Variants in LHFPL6 observed in about 807,000 individuals in gnomAD.
LHFPL6 encodes the protein LHFPL tetraspan subfamily member 6.
Under a neutral mutation model 20.6 loss-of-function variants are expected in LHFPL6, and 9 were observed. The ratio of observed to expected loss-of-function variants is 0.44; its 90% CI spans 0.26 to 0.76. LHFPL6 has a LOEUF of 0.76. LHFPL6 is among the 30% of genes least tolerant of loss of function. The pLI, the probability that LHFPL6 is intolerant of heterozygous loss-of-function variation, is 0.20. For synonymous variants in LHFPL6, 105 were observed against 98.7 expected (o/e 1.06, Z -0.38); for missense variants, 218 against 253.5 (o/e 0.86, Z 0.95).
intron 2 of LHFPL6, among the ~76,000 whole-genome samples, chr13:39,573,239 C>A (rs1199201190): frequency 1.3e-5 from 2 of 152,070 alleles, no homozygotes; most frequent in African/African-American, 4.8e-5. Context: ...CCTAAATACT[C>A]CTATTTCTAC....
intron 2 of LHFPL6, among the ~76,000 whole-genome samples, chr13:39,593,184 C>A (rs1021912884): frequency 6.6e-6 from 1 of 152,166 alleles, no homozygotes; most frequent in Admixed American, 6.5e-5. Flanking sequence ...GTCAAATTGT[C>A]CCTGTTTGCA....
At chr13:39,560,804 C>T (rs890807145) in intron 2 of LHFPL6, among the ~76,000 whole-genome samples, 2 of 152,106 alleles carry the variant, frequency 1.3e-5, no homozygotes, top group East Asian at 1.9e-4. Flanking sequence ...CGTGAGCCAC[C>T]GCGCCCTGCT....
intron 2 of LHFPL6, among the ~76,000 whole-genome samples, chr13:39,562,521 C>T (rs1181236394): frequency 1.5e-5 from 2 of 131,292 alleles, no homozygotes; most frequent in South Asian, 2.3e-4. Flanking sequence ...TACATATATA[C>T]ACATATACAC....
chr13:39,591,901 G>C (rs1317068895), intron 2 of LHFPL6, among the ~76,000 whole-genome samples: 1 of 152,104 alleles, frequency 6.6e-6, no homozygotes, highest in Non-Finnish European at 1.5e-5. Flanking sequence ...TTCAAGACCA[G>C]CCTGGCCAAC....
At chr13:39,348,734 CG>C (rs1419723812) in intron 3 of LHFPL6, among the ~76,000 whole-genome samples, 1 of 152,146 alleles carries the variant, frequency 6.6e-6, no homozygotes. Context: ...CCACCCCACC[CG>C]CCTACCCAAG....
At chr13:39,602,093 A>C (rs2138559030) in intron 1 of LHFPL6, among the ~76,000 whole-genome samples, 1 of 152,244 alleles carries the variant, frequency 6.6e-6, no homozygotes, top group East Asian at 1.9e-4. Flanking sequence ...CATTTCTCCC[A>C]CTGAATGATT....
chr13:39,573,626 C>A (rs1022095133), intron 2 of LHFPL6, among the ~76,000 whole-genome samples: 1 of 152,088 alleles, frequency 6.6e-6, no homozygotes, highest in African/African-American at 2.4e-5. Flanking sequence ...TTCGGTTTAA[C>A]ATCACAAGTT....
At chr13:39,401,744 T>A (rs2138379584) in intron 2 of LHFPL6, among the ~76,000 whole-genome samples, 1 of 152,302 alleles carries the variant, frequency 6.6e-6, no homozygotes, top group Admixed American at 6.5e-5. Flanking sequence ...CTGTGAACAA[T>A]TAACCAAAAT....
At chr13:39,358,991 T>C (rs1869803820) in intron 3 of LHFPL6, among the ~76,000 whole-genome samples, 1 of 152,050 alleles carries the variant, frequency 6.6e-6, no homozygotes, top group Non-Finnish European at 1.5e-5. Context: ...GCCAACATGG[T>C]GAAACCCCAT....
At chr13:39,433,727 GC>G (rs1159212621) in intron 2 of LHFPL6, among the ~76,000 whole-genome samples, 1 of 152,182 alleles carries the variant, frequency 6.6e-6, no homozygotes, top group African/African-American at 2.4e-5. Flanking sequence ...GAAATTTGAA[GC>G]CCTTGATTGC....
At chr13:39,531,275 T>C (rs1392169347) in intron 2 of LHFPL6, among the ~76,000 whole-genome samples, 3 of 152,164 alleles carry the variant, frequency 2.0e-5, no homozygotes, top group Non-Finnish European at 4.4e-5. Flanking sequence ...TTGCATGTCA[T>C]TGTAACAGAA....
chr13:39,591,346 G>A (rs1381052203), intron 2 of LHFPL6, among the ~76,000 whole-genome samples: 2 of 152,062 alleles, frequency 1.3e-5, no homozygotes, highest in African/African-American at 4.8e-5. Flanking sequence ...ATCAAAATAT[G>A]GTCCTCATCT....
rs146575323 is a variant in LHFPL6, at chr13:39,562,695, C to CAT, written c.385+38135_385+38136dup. 1.5e-4 allele frequency among the ~76,000 whole-genome samples: 22 copies of CAT among 146,460 alleles called. 1 individual carries two copies. The highest frequency in any genetic ancestry group is 1.2e-3 in the East Asian group (6 of 5,026). On this transcript the variant is annotated intron_variant, in intron 2 of 3. Coordinates refer to ENST00000379589, the MANE Select transcript of LHFPL6 (RefSeq NM_005780.3). ...ACACATATATACACACACACACACACATATATATATATACACACACACACT... is the reference window on the plus strand; with the variant it reads ...ACACATATATACACACACACACACACATATATATATATATACACACACACACT...
intron 3 of LHFPL6, among the ~76,000 whole-genome samples, chr13:39,373,786 T>A (rs1302305664): frequency 6.6e-6 from 1 of 152,076 alleles, no homozygotes; most frequent in Non-Finnish European, 1.5e-5. Flanking sequence ...ATGTTCAACA[T>A]CACTAATTAT....
intron 2 of LHFPL6, among the ~76,000 whole-genome samples, chr13:39,511,675 A>G (rs1310355526): frequency 6.6e-6 from 1 of 152,202 alleles, no homozygotes; most frequent in Non-Finnish European, 1.5e-5. Flanking sequence ...ACCCCAGGCC[A>G]CTAATTTTCT....
rs73467353 is a variant in LHFPL6, at chr13:39,348,031, T to C, written c.485-3977A>G. On this transcript the variant is annotated intron_variant, in intron 3 of 3. Coordinates refer to ENST00000379589, the MANE Select transcript of LHFPL6 (RefSeq NM_005780.3). ...CAGTGTATGTGACAGTAGACACATT[T>C]ATTAAACAAAGATGGAAAAAGAAGC... Among the ~76,000 whole-genome samples the C allele has an allele frequency of 3.2e-3, 484 of 152,360 alleles. 4 individuals carry two copies. Among genetic ancestry groups the C allele is most frequent in the African/African-American group, 0.011 (467 of 41,586 alleles).
chr13:39,523,718 T>C (rs1192880233), intron 2 of LHFPL6, among the ~76,000 whole-genome samples: 1 of 152,152 alleles, frequency 6.6e-6, no homozygotes, highest in East Asian at 1.9e-4. Flanking sequence ...ATTTTATCAT[T>C]GCCTACCACC....
At position 39,402,687 on chromosome 13, in the gene LHFPL6, C is replaced by A. The variant is rs906648848; in HGVS notation, c.386-24161G>T. On this transcript the variant is annotated intron_variant, in intron 2 of 3. Transcript: ENST00000379589. ...ACAGAAAATGCAGACTCATGAAAAG[C>A]AACCCTAAAAATGATCTGCTATGAA... 3.9e-5 allele frequency among the ~76,000 whole-genome samples: 6 copies of A among 152,160 alleles called. 1 individual carries two copies. The South Asian group carries it at 1.2e-3, about 32-fold the overall frequency.
At chr13:39,356,375 G>A (rs146953773) in intron 3 of LHFPL6, among the ~76,000 whole-genome samples, 28 of 152,282 alleles carry the variant, frequency 1.8e-4, no homozygotes, top group Non-Finnish European at 3.4e-4. Flanking sequence ...CAAAAGAAGT[G>A]TTGAGAGGAC....
Sources: gnomAD v4.1 joint callset for allele counts (sites outside exome capture counted in the v4.1 genomes callset) on GRCh38, gnomAD v4.1.1 for gene constraint, MANE v1.5 for transcripts, NCBI Gene and HGNC (gene_info 2026-07-23, HGNC 2026-07-21) for gene names.